PTPRM: variants seen among roughly 807,000 people sequenced by gnomAD.
PTPRM encodes the protein protein tyrosine phosphatase receptor type M.
PTPRM carries 47 observed loss-of-function variants against 186.7 expected under a neutral mutation model. That is an observed-to-expected ratio of 0.25 (90% CI 0.20 to 0.32). The LOEUF is 0.32. Among genes scored for constraint, PTPRM ranks in the 10% least tolerant of loss-of-function variants. PTPRM has a pLI of 1.00. For synonymous variants in PTPRM, 668 were observed against 674.9 expected (o/e 0.99, Z 0.16); for missense variants, 1,494 against 1,865.0 (o/e 0.80, Z 3.66).
At position 8,113,615 on chromosome 18, in the gene PTPRM, T is replaced by C. The variant is rs758527161; in HGVS notation, c.1986T>C (p.Ala662=). Residue 662 remains alanine, a synonymous_variant, in exon 12 of 33, where the codon GCT becomes GCC. Coordinates refer to ENST00000580170, the MANE Select transcript of PTPRM (RefSeq NM_001105244.2). The part of the protein sequence containing the change: ...ASLLNSQYYF[A]AEFPADSLQA... ...TGCTGAACTCACAGTACTACTTTGC[T>C]GCAGAATTTCCTGCAGACAGCCTCC... The C allele has an allele frequency of 1.2e-6, 2 of 1,614,044 alleles. No homozygotes were observed. The highest frequency in any genetic ancestry group is 1.7e-6 in the Non-Finnish European group (2 of 1,180,016).
chr18:8,211,339 C>A (rs1345670232), intron 14 of PTPRM, among the ~76,000 whole-genome samples: 1 of 148,156 alleles, frequency 6.7e-6, no homozygotes, highest in African/African-American at 2.5e-5. Flanking sequence ...AGGTGGAGAA[C>A]CTTGGGGAAT....
At position 7,895,294 on chromosome 18, in the gene PTPRM, T is replaced by G. The variant is rs73941028; in HGVS notation, c.468+6917T>G. Among the ~76,000 whole-genome samples the G allele has an allele frequency of 6.5e-3, 987 of 152,302 alleles. 7 individuals carry two copies. The highest frequency in any genetic ancestry group is 0.022 in the African/African-American group (934 of 41,550). ...CGGTGGCAGTTTGTTGAGCCACTGT[T>G]AAGATTTGTGGAAGATGGTAAAAAG... is the stretch of plus-strand genomic sequence containing the variant. On this transcript the variant is annotated intron_variant, in intron 3 of 32. Coordinates refer to ENST00000580170, the MANE Select transcript of PTPRM (RefSeq NM_001105244.2).
At chr18:7,706,811 A>G (rs145312918) in intron 1 of PTPRM, among the ~76,000 whole-genome samples, 201 of 152,144 alleles carry the variant, frequency 1.3e-3, no homozygotes, top group African/African-American at 4.7e-3. Flanking sequence ...TACTATAAAT[A>G]TTGAGAATTT....
chr18:8,279,529 T>C (rs781291237), intron 19 of PTPRM, among the ~76,000 whole-genome samples: 21 of 152,156 alleles, frequency 1.4e-4, no homozygotes, highest in Non-Finnish European at 2.8e-4. Context: ...TGACGCTGTG[T>C]CTTGAAGGCT....
At position 8,259,053 on chromosome 18, in the gene PTPRM, G is replaced by A. The variant is rs566800727; in HGVS notation, c.2754+5639G>A. ...GCAACCTCTACCTCTGGATTAAAGC[G>A]ATACTCAAGCCTCAGCCTCCTGAAA... On this transcript the variant is annotated intron_variant, in intron 19 of 32. Transcript: ENST00000580170. 3.9e-5 allele frequency among the ~76,000 whole-genome samples: 6 copies of A among 152,146 alleles called. No individual in the cohort carries two copies. In the South Asian group the frequency reaches 1.2e-3, roughly 32 times the overall value.
intron 3 of PTPRM, among the ~76,000 whole-genome samples, chr18:7,906,010 T>G (rs1250997299): frequency 6.6e-6 from 1 of 152,140 alleles, no homozygotes; most frequent in Non-Finnish European, 1.5e-5. Flanking sequence ...AAAGTCTTCT[T>G]TAGACTTTGT....
chr18:8,380,980 C>T (rs2095731141), intron 29 of PTPRM, among the ~76,000 whole-genome samples: 1 of 152,026 alleles, frequency 6.6e-6, no homozygotes, highest in African/African-American at 2.4e-5. Flanking sequence ...AATTTTAAGG[C>T]ACAGCAATTA....
At chr18:7,858,623 C>T (rs918665637) in intron 2 of PTPRM, among the ~76,000 whole-genome samples, 10 of 151,926 alleles carry the variant, frequency 6.6e-5, no homozygotes, top group Non-Finnish European at 1.3e-4. Flanking sequence ...TGAGAATTAC[C>T]AATATAATTT....
chr18:7,643,770 T>A lies in PTPRM; in HGVS notation c.73+75879T>A, dbSNP rs117527302. Among the ~76,000 whole-genome samples the A allele has an allele frequency of 8.7e-3, 1,329 of 152,326 alleles. 11 individuals are homozygous for A. Among genetic ancestry groups the A allele is most frequent in the Non-Finnish European group, 0.013 (906 of 68,020 alleles). On this transcript the variant is annotated intron_variant, in intron 1 of 32. Coordinates refer to ENST00000580170, the MANE Select transcript of PTPRM (RefSeq NM_001105244.2). ...ACAATTTAAAATAATCTGAGCTTTT[T>A]TCTTAGCAGCCCGAAGAAAAGTGGT... is the stretch of plus-strand genomic sequence containing the variant.
intron 14 of PTPRM, among the ~76,000 whole-genome samples, chr18:8,167,569 G>C (rs2093341173): frequency 6.6e-6 from 1 of 152,232 alleles, no homozygotes; most frequent in African/African-American, 2.4e-5. Flanking sequence ...GATGGAGCAG[G>C]CTCCAGCGCC....
At chr18:8,215,080 C>T (rs906066295) in intron 14 of PTPRM, among the ~76,000 whole-genome samples, 1 of 152,088 alleles carries the variant, frequency 6.6e-6, no homozygotes, top group Non-Finnish European at 1.5e-5. Context: ...TAAAAAATAC[C>T]TTCCCTACAT....
At chr18:8,354,456 A>G (rs1187924941) in intron 23 of PTPRM, among the ~76,000 whole-genome samples, 2 of 152,208 alleles carry the variant, frequency 1.3e-5, no homozygotes, top group African/African-American at 4.8e-5. Context: ...GGAAGGGGAT[A>G]GCGACCAGGT....
At chr18:8,104,019 G>A (rs1002789533) in intron 11 of PTPRM, among the ~76,000 whole-genome samples, 1 of 152,162 alleles carries the variant, frequency 6.6e-6, no homozygotes, top group Non-Finnish European at 1.5e-5. Context: ...ACAGTTCATA[G>A]CACCCCAAAA....
At chr18:7,583,990 A>ATTT (rs2036912318) in intron 1 of PTPRM, among the ~76,000 whole-genome samples, 1 of 152,196 alleles carries the variant, frequency 6.6e-6, no homozygotes, top group South Asian at 2.1e-4. Context: ...GAAAACATGT[A>ATTT]GATCTGTATT....
intron 20 of PTPRM, among the ~76,000 whole-genome samples, chr18:8,307,632 C>G (rs557788627): frequency 6.6e-6 from 1 of 151,890 alleles, no homozygotes; most frequent in Non-Finnish European, 1.5e-5. Flanking sequence ...GGTGAAACCC[C>G]GTCTCTACTG....
At chr18:7,642,866 A>C (rs974097239) in intron 1 of PTPRM, among the ~76,000 whole-genome samples, 2 of 137,508 alleles carry the variant, frequency 1.5e-5, no homozygotes, top group African/African-American at 2.8e-5. Context: ...AAAAAAAAAA[A>C]AGAAGAAGAA....
chr18:8,394,654 G>A, intron 32 of PTPRM, 43 bp downstream of exon 32: 1 of 1,522,894 alleles, frequency 6.6e-7, no homozygotes, highest in Non-Finnish European at 8.9e-7. Context: ...CACCCCATTA[G>A]CATTAGAATC....
At chr18:7,796,348 A>G (rs980292768) in intron 2 of PTPRM, among the ~76,000 whole-genome samples, 8 of 152,312 alleles carry the variant, frequency 5.3e-5, no homozygotes, top group Non-Finnish European at 1.0e-4. Context: ...GAAAAGAAAC[A>G]CACACATGCG....
chr18:7,595,084 G>A (rs1196448251), intron 1 of PTPRM, among the ~76,000 whole-genome samples: 1 of 152,128 alleles, frequency 6.6e-6, no homozygotes, highest in Non-Finnish European at 1.5e-5. Context: ...GACTTGCTAG[G>A]CCTGATGTTG....
Sources: allele counts gnomAD v4.1 joint callset (sites outside exome capture counted in the v4.1 genomes callset), GRCh38; gene constraint gnomAD v4.1.1; transcripts MANE v1.5; gene names NCBI Gene and HGNC (gene_info 2026-07-23, HGNC 2026-07-21).